GRIK4: variants seen among roughly 807,000 people sequenced by gnomAD.
The protein encoded by GRIK4 is glutamate ionotropic receptor kainate type subunit 4, also known as glutamate receptor ionotropic, kainate 4.
A neutral mutation model predicts 104.9 loss-of-function variants in GRIK4; 40 were observed. That is an observed-to-expected ratio of 0.38 (90% confidence interval 0.30 to 0.50). The LOEUF (loss-of-function observed/expected upper bound fraction) is 0.50, where lower values mean the gene tolerates loss of function less well. Ranked by LOEUF, GRIK4 falls within the 20% of genes least tolerant of loss-of-function variation. The probability of loss-of-function intolerance (pLI) is 0.93; values close to 1 mark genes in which losing one functional copy is unlikely to be tolerated. For synonymous variants in GRIK4, 485 were observed against 524.9 expected (o/e 0.92, Z 1.04); for missense variants, 1,047 against 1,308.1 (o/e 0.80, Z 3.08).
intron 3 of GRIK4, among the ~76,000 whole-genome samples, chr11:120,793,412 TGAA>T (rs913290923): frequency 1.8e-3 from 274 of 152,040 alleles, no homozygotes; most frequent in African/African-American, 6.2e-3. Context: ...CGGGAGAGGC[TGAA>T]GAAGAAGGAG....
intron 1 of GRIK4, among the ~76,000 whole-genome samples, chr11:120,562,505 G>A (rs1223234541): frequency 6.6e-6 from 1 of 152,210 alleles, no homozygotes; most frequent in Non-Finnish European, 1.5e-5. Context: ...GAACCAACCA[G>A]AGGAAGAAGG....
At chr11:120,619,240 A>C (rs1278895999) in intron 1 of GRIK4, among the ~76,000 whole-genome samples, 1 of 152,202 alleles carries the variant, frequency 6.6e-6, no homozygotes, top group African/African-American at 2.4e-5. Context: ...TTGTACTTGC[A>C]TGGGAGCTAT....
At chr11:120,732,003 C>T (rs565828242) in intron 3 of GRIK4, among the ~76,000 whole-genome samples, 1 of 151,808 alleles carries the variant, frequency 6.6e-6, no homozygotes, top group Non-Finnish European at 1.5e-5. Flanking sequence ...AAAACCAACT[C>T]TCTGTTTCAT....
At chr11:120,593,051 C>T (rs192171513) in intron 1 of GRIK4, among the ~76,000 whole-genome samples, 264 of 152,078 alleles carry the variant, frequency 1.7e-3, no homozygotes, top group Non-Finnish European at 3.1e-3. Flanking sequence ...GGGCTGGTGG[C>T]GCACTCCTGT....
intron 1 of GRIK4, among the ~76,000 whole-genome samples, chr11:120,596,786 G>A (rs546421811): frequency 2.2e-4 from 34 of 151,904 alleles, no homozygotes; most frequent in African/African-American, 7.7e-4. Context: ...GTGCAGTGGC[G>A]CCATATTGGC....
At chr11:120,970,485 C>T (rs1565470116) in intron 19 of GRIK4, among the ~76,000 whole-genome samples, 2 of 152,216 alleles carry the variant, frequency 1.3e-5, no homozygotes, top group Non-Finnish European at 1.5e-5. Flanking sequence ...CCCCTTTAGA[C>T]TTGCTACTGA....
At chr11:120,545,794 T>A (rs1015319524) in intron 1 of GRIK4, among the ~76,000 whole-genome samples, 1 of 152,134 alleles carries the variant, frequency 6.6e-6, no homozygotes, top group Non-Finnish European at 1.5e-5. Context: ...GTTTTAGGGA[T>A]CTTTGGATAA....
chr11:120,808,500 C>T (rs1453627341), intron 4 of GRIK4, among the ~76,000 whole-genome samples: 5 of 152,144 alleles, frequency 3.3e-5, no homozygotes, highest in Non-Finnish European at 4.4e-5. Flanking sequence ...GAAGGCTTTG[C>T]GTGATACGCT....
intron 1 of GRIK4, among the ~76,000 whole-genome samples, chr11:120,652,184 A>G (rs1338837601): frequency 6.6e-6 from 1 of 152,198 alleles, no homozygotes; most frequent in Non-Finnish European, 1.5e-5. Flanking sequence ...CATATAGTAA[A>G]TATTCAATAA....
chr11:120,748,203 G>A (rs139015274), intron 3 of GRIK4, among the ~76,000 whole-genome samples: 12 of 151,900 alleles, frequency 7.9e-5, no homozygotes, highest in Admixed American at 7.9e-4. Flanking sequence ...CTCTCTCCCT[G>A]CGTCCCTCCT....
intron 11 of GRIK4, among the ~76,000 whole-genome samples, chr11:120,897,961 T>C (rs556758396): frequency 5.2e-4 from 79 of 152,106 alleles, no homozygotes; most frequent in South Asian, 4.2e-4. Flanking sequence ...TCCCCATTTA[T>C]ACATGGGGAA....
At chr11:120,923,475 C>T (rs545046296) in intron 13 of GRIK4, among the ~76,000 whole-genome samples, 1,554 of 140,120 alleles carry the variant, frequency 0.011, 25 homozygotes, top group Middle Eastern at 0.037. Flanking sequence ...TGCAGTGGCG[C>T]GATCTCGGCT....
intron 13 of GRIK4, among the ~76,000 whole-genome samples, chr11:120,908,738 A>G (rs1435210774): frequency 6.6e-6 from 1 of 152,162 alleles, no homozygotes; most frequent in Admixed American, 6.5e-5. Flanking sequence ...CACCGCAAGG[A>G]GGGGGAAACT....
At chr11:120,714,933 T>C (rs1206146175) in intron 3 of GRIK4, among the ~76,000 whole-genome samples, 3 of 152,106 alleles carry the variant, frequency 2.0e-5, no homozygotes, top group Non-Finnish European at 4.4e-5. Flanking sequence ...AGGGACATGA[T>C]CAGATTTCTA....
intron 1 of GRIK4, among the ~76,000 whole-genome samples, chr11:120,610,962 C>A (rs1409887988): frequency 6.6e-6 from 1 of 152,162 alleles, no homozygotes; most frequent in Non-Finnish European, 1.5e-5. Context: ...AGAATGTCAG[C>A]GCAGGAAGAG....
chr11:120,644,077 AGAG>A (rs1405855775), intron 1 of GRIK4, among the ~76,000 whole-genome samples: 1 of 149,140 alleles, frequency 6.7e-6, no homozygotes, highest in Non-Finnish European at 1.5e-5. Context: ...AGAGAGAGAG[AGAG>A]AAAGTGTGTG....
intron 1 of GRIK4, among the ~76,000 whole-genome samples, chr11:120,597,701 G>A (rs542764556): frequency 1.1e-3 from 168 of 151,016 alleles, no homozygotes; most frequent in African/African-American, 3.8e-3. Flanking sequence ...GCAGCCCCCC[G>A]CTTTGTCTGA....
At chr11:120,557,881 G>A (rs537940883) in intron 1 of GRIK4, among the ~76,000 whole-genome samples, 110 of 152,156 alleles carry the variant, frequency 7.2e-4, no homozygotes, top group African/African-American at 2.6e-3. Context: ...AGCTGGGCGC[G>A]GTGGCGGGCG....
intron 1 of GRIK4, among the ~76,000 whole-genome samples, chr11:120,614,824 C>G (rs1043630542): frequency 9.2e-5 from 14 of 151,982 alleles, no homozygotes; most frequent in Non-Finnish European, 1.9e-4. Context: ...ATGGTGAAAC[C>G]CCGTCTCTAC....
Sources: allele counts gnomAD v4.1 joint callset (sites outside exome capture counted in the v4.1 genomes callset), GRCh38; gene constraint gnomAD v4.1.1; transcripts MANE v1.5; gene names NCBI Gene and HGNC (gene_info 2026-07-23, HGNC 2026-07-21).